SAMD4B: variants seen among roughly 807,000 people sequenced by gnomAD.
The protein encoded by SAMD4B is protein Smaug homolog 2.
Under a neutral mutation model 74.5 loss-of-function variants are expected in SAMD4B, and 5 were observed. The ratio of observed to expected loss-of-function variants is 0.07; its 90% confidence interval spans 0.04 to 0.14. The LOEUF (loss-of-function observed/expected upper bound fraction) is 0.14. Among genes scored for constraint, SAMD4B ranks in the 10% least tolerant of loss-of-function variants. The pLI is 1.00. For synonymous variants in SAMD4B, 373 were observed against 374.9 expected (o/e 1.00, Z 0.06); for missense variants, 608 against 921.8 (o/e 0.66, Z 4.41).
rs568430344 is a variant in SAMD4B, at chr19:39,344,939, C to T, written c.-267+2363C>T. Among the ~76,000 whole-genome samples the T allele has an allele frequency of 4.6e-5, 7 of 152,300 alleles. No individual in the cohort carries two copies. The South Asian group carries it at 1.5e-3, about 32-fold the overall frequency. On this transcript the variant is annotated intron_variant, in intron 1 of 13. Coordinates refer to ENST00000610417, the MANE Select transcript of SAMD4B (RefSeq NM_001384574.2). The stretch of plus-strand genomic sequence containing the variant: ...CTTTCAGAAGCCTTCTTCCTTCTCC[C>T]CTTTGAGGACCTCCTCACCAAATAA...
In SAMD4B at chr19:39,380,094, T is replaced by G. The variant is rs1600587115; in HGVS notation, c.1649+10T>G. ...ACCGGCAGCAGAAAGGGTAGGCGGG[T>G]GGCCAGGTTACAGGGACCTGCCCTC... is the stretch of plus-strand genomic sequence containing the variant. On this transcript the variant is annotated intron_variant, in intron 10 of 13. Transcript: ENST00000610417. 1 of 1,608,386 alleles carries G rather than the reference T, an allele frequency of 6.2e-7. No individual in the cohort carries two copies. The highest frequency in any genetic ancestry group is 8.5e-7 in the Non-Finnish European group (1 of 1,176,226).
At chr19:39,389,401 G>T, downstream of SAMD4B, 6 of 1,613,204 alleles carry the variant, frequency 3.7e-6, no homozygotes, top group Non-Finnish European at 5.1e-6. This position sits in a 1 kb window ranked among gnomAD's most constrained non-coding sequence, Gnocchi z 5.3. Flanking sequence ...GGGAAATCAG[G>T]TATCTCAGGA....
At chr19:39,353,893 C>T (rs1259582561) in intron 1 of SAMD4B, 113 bp from the exon 2 acceptor site, 2 of 152,188 alleles carry the variant, frequency 1.3e-5, no homozygotes, top group South Asian at 2.1e-4. Flanking sequence ...TGAGCCACCA[C>T]ACCTGGCCAG....
chr19:39,348,830 A>T (rs572754472), intron 1 of SAMD4B, among the ~76,000 whole-genome samples: 42 of 152,256 alleles, frequency 2.8e-4, no homozygotes, highest in African/African-American at 1.0e-3. Flanking sequence ...AGATGTAGAG[A>T]AGCAGATATA....
At chr19:39,345,512 T>C (rs2075643334) in intron 1 of SAMD4B, among the ~76,000 whole-genome samples, 1 of 152,210 alleles carries the variant, frequency 6.6e-6, no homozygotes, top group Admixed American at 6.5e-5. Flanking sequence ...CATCTGTTTC[T>C]TCACATAGGC....
chr19:39,373,932 C>T (rs2077449751), intron 4 of SAMD4B, among the ~76,000 whole-genome samples: 1 of 150,220 alleles, frequency 6.7e-6, no homozygotes, highest in Non-Finnish European at 1.5e-5. Context: ...CCACTGCACT[C>T]CAGGCTAGGC....
downstream of SAMD4B, chr19:39,389,104 C>G: frequency 6.2e-7 from 1 of 1,613,822 alleles, no homozygotes; most frequent in Non-Finnish European, 8.5e-7. The surrounding 1 kb of genome is among the most constrained non-coding windows in gnomAD (Gnocchi z 5.3). Context: ...GATTTCTGGG[C>G]ATCCTCAAAA....
At position 39,377,730 on chromosome 19, in the gene SAMD4B, A is replaced by G. The variant is rs1368525601; in HGVS notation, c.1350A>G (p.Pro450=). 6.2e-7 allele frequency: 1 copy of G among 1,614,106 alleles called. No homozygotes were observed. The change falls in exon 8 of 14, where the codon CCA becomes CCG. Residue 450 remains proline, a synonymous_variant. Transcript: ENST00000610417. ...CAGCTGTGGAGAACTACCCACCTCC[A>G]CCAGCTCCAGCTCCCACTGATGGCA... ...DPPAVENYPP[P]PAPAPTDGSE... is the part of the protein sequence containing the mutation.
At position 39,356,802 on chromosome 19, in the gene SAMD4B, G is replaced by A. The variant is rs1160455279; in HGVS notation, c.-92G>A. ...AACGTCCTTAAGCCCTGGCCCTCAG[G>A]GGAAAGGTAACAGGAGGCCAGAGCC... On this transcript the variant is annotated 5_prime_UTR_variant, in exon 3 of 14. Coordinates refer to ENST00000610417, the MANE Select transcript of SAMD4B (RefSeq NM_001384574.2). The A allele has an allele frequency of 1.2e-5, 14 of 1,127,400 alleles. No individual in the cohort carries two copies. The highest frequency in any genetic ancestry group is 1.6e-5 in the Non-Finnish European group (13 of 804,976). The allele number at this position is 1,127,400 out of a possible 1,614,324, so 69.8% of individuals were successfully genotyped here. A position where few individuals can be genotyped will look rare whatever the true frequency, so the allele number is the denominator to read the frequency against.
chr19:39,371,774 G>A (rs2077315318), intron 4 of SAMD4B, among the ~76,000 whole-genome samples: 1 of 151,172 alleles, frequency 6.6e-6, no homozygotes, highest in Non-Finnish European at 1.5e-5. Context: ...CCGAGATCTT[G>A]CCATTGCATT....
intron 4 of SAMD4B, among the ~76,000 whole-genome samples, chr19:39,370,503 T>C (rs905324710): frequency 2.6e-5 from 4 of 152,338 alleles, no homozygotes; most frequent in African/African-American, 9.6e-5. Context: ...ATGTTGAGCA[T>C]GCCCTTTAGA....
At chr19:39,386,330 T>C (rs2078248125), downstream of SAMD4B, 3 of 1,613,958 alleles carry the variant, frequency 1.9e-6, no homozygotes, top group African/African-American at 1.3e-5. This position sits in a 1 kb window ranked among gnomAD's most constrained non-coding sequence, Gnocchi z 6.1. Context: ...CTTCCTCCCG[T>C]TCACTCTCGC....
Position 39,383,711 on chromosome 19 carries a change from C to T in SAMD4B, c.*184C>T, listed in dbSNP as rs562963578. ...CACATGCCTTGCTCACTCCCAGGCCCGTCGAGGGATCTCTGCTGAGGCCCG... is the reference window on the plus strand; with the variant it reads ...CACATGCCTTGCTCACTCCCAGGCCTGTCGAGGGATCTCTGCTGAGGCCCG... On this transcript the variant is annotated 3_prime_UTR_variant, in exon 14 of 14. Coordinates refer to ENST00000610417, the MANE Select transcript of SAMD4B (RefSeq NM_001384574.2). This position sits in a 1 kb window ranked among gnomAD's most constrained non-coding sequence, Gnocchi z 4.1. 22 of 1,538,000 alleles carry T rather than the reference C, an allele frequency of 1.4e-5. No homozygotes were observed. The highest frequency in any genetic ancestry group is 1.7e-4 in the Middle Eastern group (1 of 5,880).
downstream of SAMD4B, chr19:39,390,354 C>T: frequency 4.1e-6 from 6 of 1,463,956 alleles, no homozygotes; most frequent in Non-Finnish European, 5.6e-6. Flanking sequence ...ATGAAAAAGG[C>T]TTCCCCAACC....
intron 2 of SAMD4B, among the ~76,000 whole-genome samples, chr19:39,355,667 C>T (rs532261702): frequency 2.4e-4 from 36 of 152,148 alleles, no homozygotes; most frequent in Non-Finnish European, 4.4e-4. Flanking sequence ...AAAAAGCCTT[C>T]GGAGTGGTGT....
At chr19:39,368,299 T>C (rs923217597) in intron 3 of SAMD4B, among the ~76,000 whole-genome samples, 2 of 152,100 alleles carry the variant, frequency 1.3e-5, no homozygotes, top group African/African-American at 4.8e-5. Context: ...GAGGTCAAGA[T>C]GACCATGACA....
chr19:39,385,999 T>G (rs751536019), downstream of SAMD4B: 12 of 1,613,516 alleles, frequency 7.4e-6, no homozygotes, highest in Non-Finnish European at 1.7e-6. Context: ...ACTCAGTCAC[T>G]GTCACTATCA....
At chr19:39,388,507 A>ATCCCAATCCCCAAAACT (rs773412321), downstream of SAMD4B, 1 of 1,614,052 alleles carries the variant, frequency 6.2e-7, no homozygotes, top group Non-Finnish European at 8.5e-7. Flanking sequence ...TTTCTTCCCT[A>ATCCCAATCCCCAAAACT]TCCCAATCCC....
chr19:39,362,123 C>G, intron 3 of SAMD4B, among the ~76,000 whole-genome samples: 1 of 152,286 alleles, frequency 6.6e-6, no homozygotes, highest in East Asian at 1.9e-4. Context: ...TTGTCTGCTT[C>G]CTGCTCAGAT....
Sources: gnomAD v4.1 joint callset for allele counts (sites outside exome capture counted in the v4.1 genomes callset) on GRCh38, gnomAD v4.1.1 for gene constraint, Gnocchi (gnomAD v3.1) non-coding constraint, MANE v1.5 for transcripts, NCBI Gene and HGNC (gene_info 2026-07-23, HGNC 2026-07-21) for gene names.